The following DNAH17 variants were observed in gnomAD, a reference collection of about 807,000 sequenced individuals.
DNAH17 encodes the protein axonemal beta dynein heavy chain 17.
DNAH17 carries 376 observed loss-of-function variants against 485.6 expected under a neutral mutation model. That is an observed-to-expected ratio of 0.77 (90% CI 0.71 to 0.84). The LOEUF is 0.84. Ranked by LOEUF, DNAH17 falls within the 40% of genes least tolerant of loss-of-function variation. The pLI is 0.00. For missense variants in DNAH17, 6,370 were observed against 5,839.3 expected, an observed-to-expected ratio of 1.09 and a Z score of -2.96; for synonymous variants, 3,031 against 2,405.9, an observed-to-expected ratio of 1.26 and a Z score of -7.60.
chr17:78,455,634 C>T lies in DNAH17; in HGVS notation c.10170+10G>A. The T allele has an allele frequency of 6.5e-7, 1 of 1,534,396 alleles. No individual in the cohort carries two copies. The highest frequency in any genetic ancestry group is 8.8e-7 in the Non-Finnish European group (1 of 1,137,728). On this transcript the variant is annotated intron_variant, in intron 63 of 80. Coordinates refer to ENST00000389840, the MANE Select transcript of DNAH17 (RefSeq NM_173628.4). ...GAGCCACCGCGCCTGGCCAGGACTC[C>T]ACTCCTTACCTTTAAGTTATGTATG...
rs780634061 is a variant in DNAH17 at position 78,492,733 on chromosome 17, G to T, written c.6441C>A (p.Asn2147Lys). The change falls in exon 42 of 81, where the codon AAC becomes AAA. Residue 2147 changes from asparagine to lysine, a missense_variant. By Grantham distance (94) the Asn-to-Lys change is moderately conservative. Coordinates refer to ENST00000389840, the MANE Select transcript of DNAH17 (RefSeq NM_173628.4). ...VLKSLNKTYQ[N>K]LKRKPVAVDL... is the part of the protein sequence containing the mutation. ...CCACGGCGACCGGCTTCCTCTTCAG[G>T]TTCTGATAGGTCTTGTTGAGGGATT... 2 of 1,612,512 alleles carry T rather than the reference G, an allele frequency of 1.2e-6. No homozygotes were observed. The highest frequency in any genetic ancestry group is 4.5e-5 in the East Asian group (2 of 44,846).
rs671899 is a variant in DNAH17, at chr17:78,501,696, T to C, written c.5322+46A>G. 606,881 of 1,596,988 alleles carry C rather than the reference T, an allele frequency of 0.38. 118,919 individuals carry two copies. Among genetic ancestry groups the C allele is most frequent in the East Asian group, 0.7 (31,347 of 44,610 alleles). ...CCTGAATGCACTGCCCTGAACCCGG[T>C]GTCCCCTTGCCCTTCCCCTGGCCCC... On this transcript the variant is annotated intron_variant, in intron 34 of 80. Transcript: ENST00000389840.
At position 78,551,644 on chromosome 17, in the gene DNAH17, A is replaced by C; in HGVS notation, c.2288-6T>G. Reference sequence around the variant, plus strand: ...TTGAATGTACTGAAACACACCTAAAATGGAAATGTAGAGGAATCTTACAAA... The same window carrying C: ...TTGAATGTACTGAAACACACCTAAACTGGAAATGTAGAGGAATCTTACAAA... On this transcript the variant is annotated splice_polypyrimidine_tract_variant and splice_region_variant and intron_variant, in intron 15 of 80. Transcript: ENST00000389840. The C allele has an allele frequency of 6.2e-7, 1 of 1,613,346 alleles. No homozygotes were observed. The highest frequency in any genetic ancestry group is 1.1e-5 in the South Asian group (1 of 91,062).
chr17:78,442,639 C>G (rs692010), intron 71 of DNAH17, among the ~76,000 whole-genome samples: 129,010 of 151,950 alleles, frequency 0.85, 54,863 homozygotes, highest in East Asian at 0.95. Context: ...AGGCTGGGTT[C>G]GTCAGACCTC....
At chr17:78,535,863 A>G (rs1469036135) in intron 19 of DNAH17, among the ~76,000 whole-genome samples, 1 of 152,200 alleles carries the variant, frequency 6.6e-6, no homozygotes, top group Non-Finnish European at 1.5e-5. Context: ...TTTGGGCCAG[A>G]ATTGGTCAAG....
rs182916777 is a variant in DNAH17 at position 78,561,114 on chromosome 17, C to T, written c.1836-179G>A. ...CAGACCAAATGTTCAAATGGAACTC[C>T]GACCTGCAGTCTGCAGCCACCAGCC... On this transcript the variant is annotated intron_variant, in intron 12 of 80. Transcript: ENST00000389840. Among the ~76,000 whole-genome samples the T allele has an allele frequency of 4.8e-3, 730 of 152,210 alleles. 3 individuals are homozygous for T. Among genetic ancestry groups the T allele is most frequent in the South Asian group, 7.1e-3 (34 of 4,808 alleles).
Position 78,556,104 on chromosome 17 carries a change from TCCATCCATCC to T in DNAH17, c.2178+1994_2178+2003del, listed in dbSNP as rs1442690134. ...CTATATCTCTGTCTGTCCATCCATC[TCCATCCATCC>T]ATCTGTATCTATCCCCCCCATCTAT... On this transcript the variant is annotated intron_variant, in intron 14 of 80. Transcript: ENST00000389840. Among the ~76,000 whole-genome samples, 15 of 152,300 alleles carry T rather than the reference TCCATCCATCC, an allele frequency of 9.8e-5. No homozygotes were observed. In the East Asian group the frequency reaches 2.1e-3, roughly 22 times the overall value.
In DNAH17 at chr17:78,424,185, T is replaced by G. The variant is rs370086190; in HGVS notation, c.13142-32A>C. On this transcript the variant is annotated intron_variant, in intron 80 of 80. Transcript: ENST00000389840. ...GGACAGTATGGCTGAGGGTCAGGTGTGCTGCCAGTAAGTGAGGGAGGGGCT... is the reference window on the plus strand; with the variant it reads ...GGACAGTATGGCTGAGGGTCAGGTGGGCTGCCAGTAAGTGAGGGAGGGGCT... 8 of 1,584,232 alleles carry G rather than the reference T, an allele frequency of 5.0e-6. No individual in the cohort carries two copies. In the African/African-American group the frequency reaches 9.4e-5, roughly 19 times the overall value.
At chr17:78,531,497 C>T (rs904414092) in intron 20 of DNAH17, among the ~76,000 whole-genome samples, 2 of 152,026 alleles carry the variant, frequency 1.3e-5, no homozygotes, top group African/African-American at 2.4e-5. Context: ...TGCCACCACG[C>T]CCAGCTAATT....
In DNAH17 at chr17:78,453,362, T is replaced by A; in HGVS notation, c.10510A>T (p.Asn3504Tyr). 4 of 1,613,632 alleles carry A rather than the reference T, an allele frequency of 2.5e-6. No individual in the cohort carries two copies. Among genetic ancestry groups the A allele is most frequent in the Non-Finnish European group, 3.4e-6 (4 of 1,179,746 alleles). The change falls in exon 65 of 81, where the codon AAC becomes TAC. Residue 3504 changes from asparagine to tyrosine, a missense_variant. Coordinates refer to ENST00000389840, the MANE Select transcript of DNAH17 (RefSeq NM_173628.4). ...DPVLDPLLGR[N>Y]TIKKGKYIKI... is the part of the protein sequence containing the mutation. Reference sequence around the variant, plus strand: ...ACTCACTTTCCCTTTTTAATCGTGTTCCTGCCCAGTAGAGGGTCCAGCACG... The same window carrying A: ...ACTCACTTTCCCTTTTTAATCGTGTACCTGCCCAGTAGAGGGTCCAGCACG...
Position 78,440,965 on chromosome 17 carries a change from A to G in DNAH17, c.11677+86T>C, listed in dbSNP as rs939802005. Reference sequence around the variant, plus strand: ...CGTCTTGGGTGTGAAGTGGTGTCTCATGTGCTTTTGGTGTGCATTTTCCTG... The same window carrying G: ...CGTCTTGGGTGTGAAGTGGTGTCTCGTGTGCTTTTGGTGTGCATTTTCCTG... On this transcript the variant is annotated intron_variant, in intron 72 of 80. Transcript: ENST00000389840. 3.3e-6 allele frequency: 5 copies of G among 1,497,144 alleles called. No homozygotes were observed. In the African/African-American group the frequency reaches 7.0e-5, roughly 21 times the overall value. The allele number at this position is 1,497,144 out of a possible 1,614,324, so 92.7% of individuals were successfully genotyped here. A position where few individuals can be genotyped will look rare whatever the true frequency, so the allele number is the denominator to read the frequency against.
intron 51 of DNAH17, among the ~76,000 whole-genome samples, chr17:78,478,034 A>AC (rs1555667611): frequency 1.3e-4 from 11 of 85,574 alleles, no homozygotes; most frequent in African/African-American, 7.6e-4. Context: ...CACCACCATC[A>AC]CACCACCATC....
At chr17:78,507,256 T>C (rs1222332068) in intron 29 of DNAH17, 22 bp downstream of exon 29, 15 of 1,613,078 alleles carry the variant, frequency 9.3e-6, no homozygotes, top group African/African-American at 2.7e-5. Flanking sequence ...ACTCCCCTGG[T>C]CTGGATAGGT....
intron 74 of DNAH17, 60 bp downstream of exon 74, chr17:78,437,581 G>A: frequency 7.0e-7 from 1 of 1,438,156 alleles, no homozygotes. Flanking sequence ...GGGGCCCCAA[G>A]GGATGGATGC....
chr17:78,439,260 T>C (rs1264875258), intron 72 of DNAH17, 43 bp from the exon 73 acceptor site: 2 of 1,577,862 alleles, frequency 1.3e-6, no homozygotes, highest in African/African-American at 2.7e-5. Context: ...CGTAATTAAA[T>C]GACACAGGTT....
chr17:78,553,283 G>GGTTTTTTTTTTTTTTTT (rs2091944708), intron 14 of DNAH17, among the ~76,000 whole-genome samples: 9 of 51,018 alleles, frequency 1.8e-4, no homozygotes, highest in Non-Finnish European at 2.1e-4. Context: ...AGGTTTTTGT[G>GGTTTTTTTTTTTTTTTT]TTTTTTTTTT....
intron 37 of DNAH17, 163 bp downstream of exon 37, chr17:78,498,845 C>A: frequency 2.0e-6 from 1 of 506,076 alleles, no homozygotes; most frequent in Non-Finnish European, 3.5e-6. Flanking sequence ...CCTAACCAGG[C>A]TTTGGGACCC....
At position 78,438,330 on chromosome 17, in the gene DNAH17, G is replaced by A. The variant is rs1235097072; in HGVS notation, c.11806-462C>T. ...GAGAAGGGGTCTTGGATGGGCTCCA[G>A]GGCTGAGGAGGGGTGGTCGTGCTAG... On this transcript the variant is annotated intron_variant, in intron 73 of 80. Coordinates refer to ENST00000389840, the MANE Select transcript of DNAH17 (RefSeq NM_173628.4). 3.4e-5 allele frequency among the ~76,000 whole-genome samples: 5 copies of A among 145,984 alleles called. No individual in the cohort carries two copies. In the East Asian group the frequency reaches 1.1e-3, roughly 31 times the overall value.
chr17:78,572,200 C>A (rs548567131), intron 3 of DNAH17, among the ~76,000 whole-genome samples: 4 of 152,110 alleles, frequency 2.6e-5, no homozygotes, highest in African/African-American at 9.7e-5. Flanking sequence ...CATATCAGGG[C>A]GGTTGCAAAT....
Sources: allele counts gnomAD v4.1 joint callset (sites outside exome capture counted in the v4.1 genomes callset), GRCh38; gene constraint gnomAD v4.1.1; transcripts MANE v1.5; gene names NCBI Gene and HGNC (gene_info 2026-07-23, HGNC 2026-07-21).